Variants in HIPK2 observed in about 807,000 individuals in gnomAD.
HIPK2 encodes homeodomain-interacting protein kinase 2.
A neutral mutation model predicts 113.7 loss-of-function variants in HIPK2; 27 were observed. The ratio of observed to expected loss-of-function variants is 0.24; its 90% CI spans 0.17 to 0.33. The LOEUF (loss-of-function observed/expected upper bound fraction) is 0.33, where lower values mean the gene tolerates loss of function less well. Among genes scored for constraint, HIPK2 ranks in the 10% least tolerant of loss-of-function variants. The pLI, the probability that HIPK2 is intolerant of heterozygous loss-of-function variation, is 1.00. For synonymous variants in HIPK2, 631 were observed against 642.2 expected, an observed-to-expected ratio of 0.98 and a Z score of 0.26; for missense variants, 1,257 against 1,588.0, an observed-to-expected ratio of 0.79 and a Z score of 3.54.
At chr7:139,601,203 A>G (rs1799412938) in intron 10 of HIPK2, among the ~76,000 whole-genome samples, 1 of 151,794 alleles carries the variant, frequency 6.6e-6, no homozygotes, top group African/African-American at 2.4e-5. Context: ...AGATTGTGCC[A>G]CTGCACTCCA....
intron 2 of HIPK2, among the ~76,000 whole-genome samples, chr7:139,687,379 T>C (rs924727766): frequency 6.6e-6 from 1 of 152,210 alleles, no homozygotes; most frequent in Non-Finnish European, 1.5e-5. Flanking sequence ...ACCACAATAA[T>C]GCATGTGATT....
At chr7:139,579,844 T>C (rs1188476227) in intron 13 of HIPK2, among the ~76,000 whole-genome samples, 1 of 152,092 alleles carries the variant, frequency 6.6e-6, no homozygotes, top group Non-Finnish European at 1.5e-5. Flanking sequence ...ATCCACTGAA[T>C]CGGAATCCCT....
intron 1 of HIPK2, among the ~76,000 whole-genome samples, chr7:139,732,021 A>G (rs1310124385): frequency 6.6e-6 from 1 of 152,092 alleles, no homozygotes; most frequent in East Asian, 1.9e-4. Flanking sequence ...ACGGATGCTG[A>G]GAGGAAAAGG....
intron 6 of HIPK2, 117 bp downstream of exon 6, chr7:139,626,484 C>A (rs59086493): frequency 3.9e-6 from 4 of 1,027,808 alleles, no homozygotes; most frequent in Non-Finnish European, 5.7e-6. Context: ...CTTTCAGCTA[C>A]AGTGACAGCT....
intron 13 of HIPK2, among the ~76,000 whole-genome samples, chr7:139,582,413 T>A (rs533292565): frequency 9.2e-5 from 14 of 152,352 alleles, no homozygotes; most frequent in Non-Finnish European, 1.8e-4. Flanking sequence ...TCTTTCTCGC[T>A]GTAGGCACCA....
At chr7:139,703,436 A>G (rs1411746972) in intron 2 of HIPK2, among the ~76,000 whole-genome samples, 5 of 152,108 alleles carry the variant, frequency 3.3e-5, no homozygotes, top group South Asian at 4.1e-4. Flanking sequence ...TTACAAAAAG[A>G]GGAGGACGAG....
intron 12 of HIPK2, among the ~76,000 whole-genome samples, chr7:139,589,593 C>T (rs1197092915): frequency 6.6e-6 from 1 of 152,172 alleles, no homozygotes; most frequent in African/African-American, 2.4e-5. Context: ...GACACAACAG[C>T]CACTTCATGA....
At chr7:139,758,991 G>T (rs951509855) in intron 1 of HIPK2, among the ~76,000 whole-genome samples, 13 of 151,528 alleles carry the variant, frequency 8.6e-5, no homozygotes, top group Admixed American at 2.6e-4. Context: ...ACTTCCAAAG[G>T]GCAAACCACC....
At chr7:139,705,520 G>C (rs1192131467) in intron 2 of HIPK2, among the ~76,000 whole-genome samples, 5 of 152,098 alleles carry the variant, frequency 3.3e-5, no homozygotes, top group Admixed American at 2.0e-4. Flanking sequence ...GGGACTACAG[G>C]CACCCACCAA....
At chr7:139,581,441 A>G (rs1376114912) in intron 13 of HIPK2, among the ~76,000 whole-genome samples, 1 of 152,164 alleles carries the variant, frequency 6.6e-6, no homozygotes. Context: ...CATCCTTCCA[A>G]TAAGTTGTTT....
At chr7:139,768,437 G>C (rs1299145121) in intron 1 of HIPK2, among the ~76,000 whole-genome samples, 1 of 152,138 alleles carries the variant, frequency 6.6e-6, no homozygotes, top group African/African-American at 2.4e-5. Context: ...ACTGTACCTT[G>C]GGAAATCAGT....
rs577138258 is a variant in HIPK2 at position 139,682,000 on chromosome 7, A to G, written c.1103+33932T>C. On this transcript the variant is annotated intron_variant, in intron 2 of 14. Coordinates refer to ENST00000406875, the MANE Select transcript of HIPK2 (RefSeq NM_022740.5). ...AGTGGAGCCCTCGGATCTGGCTGAC[A>G]CTCCTGTTACTCGTGCACGGCTTAT... Among the ~76,000 whole-genome samples the G allele has an allele frequency of 2.7e-3, 408 of 151,786 alleles. 3 individuals carry two copies. The highest frequency in any genetic ancestry group is 7.5e-4 in the Non-Finnish European group (51 of 67,926).
chr7:139,629,118 T>G, intron 4 of HIPK2, 79 bp from the exon 5 acceptor site: 1 of 1,152,696 alleles, frequency 8.7e-7, no homozygotes, highest in Non-Finnish European at 1.3e-6. Flanking sequence ...AACTCCTGTG[T>G]CTCACAGAGG....
At chr7:139,667,095 C>T (rs147076360) in intron 2 of HIPK2, among the ~76,000 whole-genome samples, 1 of 151,884 alleles carries the variant, frequency 6.6e-6, no homozygotes, top group East Asian at 1.9e-4. Flanking sequence ...AAAAACTCCA[C>T]ACTCTAACTC....
chr7:139,715,795 C>T (rs974706435), intron 2 of HIPK2, 137 bp downstream of exon 2: 40 of 1,237,378 alleles, frequency 3.2e-5, no homozygotes, highest in African/African-American at 9.1e-5. Context: ...GTCCTAATTT[C>T]GTAAGTACAT....
intron 1 of HIPK2, among the ~76,000 whole-genome samples, chr7:139,747,258 G>A (rs1796204864): frequency 6.6e-6 from 1 of 152,208 alleles, no homozygotes; most frequent in Non-Finnish European, 1.5e-5. Context: ...AGAGGTGGCT[G>A]AGCCTCAGTA....
intron 2 of HIPK2, among the ~76,000 whole-genome samples, chr7:139,667,008 T>G (rs1209030703): frequency 6.6e-6 from 1 of 151,688 alleles, no homozygotes; most frequent in African/African-American, 2.4e-5. Context: ...GAGGTTGCAG[T>G]GAGCCGAGAT....
chr7:139,688,457 G>A (rs1405688776), intron 2 of HIPK2, among the ~76,000 whole-genome samples: 1 of 152,192 alleles, frequency 6.6e-6, no homozygotes, highest in Non-Finnish European at 1.5e-5. Context: ...GTGGAAGAAC[G>A]GGCTTCTCAC....
intron 9 of HIPK2, among the ~76,000 whole-genome samples, chr7:139,608,151 C>T (rs983338528): frequency 1.3e-5 from 2 of 151,050 alleles, no homozygotes; most frequent in Non-Finnish European, 2.9e-5. Flanking sequence ...GGCTGAGGCA[C>T]GAGAATTGCT....
Sources: allele counts gnomAD v4.1 joint callset (sites outside exome capture counted in the v4.1 genomes callset), GRCh38; gene constraint gnomAD v4.1.1; transcripts MANE v1.5; gene names NCBI Gene and HGNC (gene_info 2026-07-23, HGNC 2026-07-21).